The following DOCK7 variants were observed in gnomAD, a reference collection of about 807,000 sequenced individuals.
DOCK7 encodes the protein dedicator of cytokinesis protein 7.
Under a neutral mutation model 271.0 loss-of-function variants are expected in DOCK7, and 138 were observed. The ratio of observed to expected loss-of-function variants is 0.51; its 90% CI spans 0.44 to 0.59. DOCK7 has a LOEUF of 0.59. DOCK7 is among the 20% of genes least tolerant of loss of function. The pLI, the probability that DOCK7 is intolerant of heterozygous loss-of-function variation, is 0.00. For synonymous variants in DOCK7, 823 were observed against 876.1 expected (o/e 0.94, Z 1.07); for missense variants, 2,066 against 2,592.4 (o/e 0.80, Z 4.41).
intron 1 of DOCK7, among the ~76,000 whole-genome samples, chr1:62,670,321 C>T (rs1347419489): frequency 6.6e-5 from 10 of 152,264 alleles, no homozygotes; most frequent in Admixed American, 5.9e-4. Context: ...AGCCCTGGTG[C>T]GGGATCCACT....
chr1:62,553,330 A>G lies in DOCK7; in HGVS notation c.2597-429T>C, dbSNP rs1376772693. Among the ~76,000 whole-genome samples the G allele has an allele frequency of 1.9e-3, 7 of 3,626 alleles. 1 individual carries two copies. The highest frequency in any genetic ancestry group is 0.017 in the South Asian group (1 of 60). 2.4% of individuals were successfully genotyped at this position (3,626 alleles called of 152,430 possible). A position where few individuals can be genotyped will look rare whatever the true frequency, so the allele number is the denominator to read the frequency against. ...AAGTATTTTATATATATATATATAT[A>G]TATATATATATATATATATATATAT... On this transcript the variant is annotated intron_variant, in intron 21 of 49. Transcript: ENST00000635253.
intron 7 of DOCK7, chr1:62,641,590 G>A: frequency 4.2e-6 from 2 of 473,030 alleles, no homozygotes; most frequent in Admixed American, 2.3e-5. Flanking sequence ...TGTAGAAATT[G>A]CCAGAAATGT....
chr1:62,651,176 T>C (rs1442518664), intron 4 of DOCK7, among the ~76,000 whole-genome samples: 3 of 151,424 alleles, frequency 2.0e-5, no homozygotes, highest in African/African-American at 7.3e-5. Context: ...ACCATCATTC[T>C]CAGCAAACTA....
chr1:62,573,197 T>C (rs1646840745), intron 18 of DOCK7, among the ~76,000 whole-genome samples: 1 of 152,150 alleles, frequency 6.6e-6, no homozygotes, highest in African/African-American at 2.4e-5. Flanking sequence ...GACTCAGCTA[T>C]GTCAAGATCA....
chr1:62,491,789 G>A (rs1363508126), intron 41 of DOCK7, among the ~76,000 whole-genome samples: 1 of 152,184 alleles, frequency 6.6e-6, no homozygotes, highest in Non-Finnish European at 1.5e-5. Flanking sequence ...ATCACTCAGA[G>A]ACTTTCTGTT....
At chr1:62,498,933 C>A (rs980599141) in intron 37 of DOCK7, among the ~76,000 whole-genome samples, 2 of 152,064 alleles carry the variant, frequency 1.3e-5, no homozygotes, top group African/African-American at 2.4e-5. Flanking sequence ...TCCCAAGTAG[C>A]TGGGATTACA....
At chr1:62,487,731 A>G (rs1646337278) in intron 42 of DOCK7, 1 of 220,048 alleles carries the variant, frequency 4.5e-6, no homozygotes, top group African/African-American at 2.3e-5. Flanking sequence ...AGTATCCAGG[A>G]TAAATTAAAA....
rs139050582 is a variant in DOCK7, at chr1:62,552,868, G to C, written c.2630C>G (p.Ala877Gly). 28 of 1,613,046 alleles carry C rather than the reference G, an allele frequency of 1.7e-5. No individual in the cohort carries two copies. Among genetic ancestry groups the C allele is most frequent in the Non-Finnish European group, 2.4e-5 (28 of 1,179,662 alleles). ...PGGLGGSVHYATMARSAVRPA... is the reference protein window; with the variant it reads ...PGGLGGSVHYGTMARSAVRPA... ...TCTCACCGCAGATCTAGCCATTGTGGCATAATGCACTGATCCTCCCAAACC... is the reference window on the plus strand; with the variant it reads ...TCTCACCGCAGATCTAGCCATTGTGCCATAATGCACTGATCCTCCCAAACC... Residue 877 changes from alanine (A) to glycine (G), a missense_variant, in exon 22 of 50, where the codon GCC (alanine) becomes GGC (glycine). Ala to Gly is a moderately conservative substitution (Grantham distance 60). Transcript: ENST00000635253.
intron 1 of DOCK7, among the ~76,000 whole-genome samples, chr1:62,663,890 T>C (rs1233065045): frequency 6.6e-6 from 1 of 152,222 alleles, no homozygotes; most frequent in East Asian, 1.9e-4. Flanking sequence ...TATTTGTGTT[T>C]TAAAAGGCTA....
intron 14 of DOCK7, among the ~76,000 whole-genome samples, chr1:62,614,460 G>C (rs1261243966): frequency 6.6e-6 from 1 of 151,778 alleles, no homozygotes; most frequent in Non-Finnish European, 1.5e-5. Context: ...GGACATTGAT[G>C]GTCTAATAAT....
chr1:62,461,861 C>G (rs1645539337), intron 48 of DOCK7, among the ~76,000 whole-genome samples: 1 of 151,084 alleles, frequency 6.6e-6, no homozygotes, highest in Non-Finnish European at 1.5e-5. Flanking sequence ...CACCTGAGGT[C>G]AGGAGTTCGA....
intron 7 of DOCK7, among the ~76,000 whole-genome samples, chr1:62,644,103 C>T (rs555725033): frequency 1.3e-5 from 2 of 152,208 alleles, no homozygotes; most frequent in African/African-American, 4.8e-5. Context: ...ACGACTGGAG[C>T]TGAAACTTTA....
At chr1:62,613,395 T>A (rs1652040648) in intron 14 of DOCK7, among the ~76,000 whole-genome samples, 2 of 152,006 alleles carry the variant, frequency 1.3e-5, no homozygotes, top group Non-Finnish European at 2.9e-5. Flanking sequence ...CCTATGCAAA[T>A]AAATGTGACC....
Position 62,529,438 on chromosome 1 carries a change from CCAAA to C in DOCK7, c.3616_3619del (p.Phe1206AspfsTer28). On this transcript the variant is annotated frameshift_variant, in exon 30 of 50. Transcript: ENST00000635253. LOFTEE classifies it high-confidence loss of function. The stretch of plus-strand genomic sequence containing the variant: ...CATATTGATGACTTTCTTATGCAAT[CCAAA>C]CAGTCTATTTAAAAAGAAGAAGACA... 1 of 1,604,036 alleles carries C rather than the reference CCAAA, an allele frequency of 6.2e-7. No individual in the cohort carries two copies. The highest frequency in any genetic ancestry group is 1.1e-5 in the South Asian group (1 of 89,036).
At chr1:62,661,523 A>AT (rs2149713084) in intron 2 of DOCK7, among the ~76,000 whole-genome samples, 1 of 152,058 alleles carries the variant, frequency 6.6e-6, no homozygotes, top group East Asian at 1.9e-4. Context: ...TTTAAATTCA[A>AT]TTTTTTTCTA....
intron 25 of DOCK7, among the ~76,000 whole-genome samples, chr1:62,541,031 G>C (rs1054083376): frequency 3.9e-5 from 6 of 152,154 alleles, no homozygotes; most frequent in African/African-American, 9.7e-5. Context: ...ATTCAATGCT[G>C]AGGACCACCC....
At chr1:62,520,890 TGGCAC>T (rs1237583700) in intron 31 of DOCK7, among the ~76,000 whole-genome samples, 2 of 152,134 alleles carry the variant, frequency 1.3e-5, no homozygotes, top group Non-Finnish European at 1.5e-5. Context: ...AAAGAAAATG[TGGCAC>T]ATACACACCA....
intron 6 of DOCK7, 105 bp from the exon 7 acceptor site, chr1:62,647,881 T>G: frequency 1.1e-6 from 1 of 925,906 alleles, no homozygotes; most frequent in Non-Finnish European, 1.7e-6. Flanking sequence ...GTCTTCACAA[T>G]AGAACATAGA....
chr1:62,578,887 A>G lies in DOCK7; in HGVS notation c.1951T>C (p.Tyr651His). The G allele has an allele frequency of 6.2e-7, 1 of 1,610,148 alleles. No individual in the cohort carries two copies. Among genetic ancestry groups the G allele is most frequent in the Non-Finnish European group, 8.5e-7 (1 of 1,178,610 alleles). Reference sequence around the variant, plus strand: ...TGTTTTTGTTGACAACTAACATGATAAAAAGTAAAAAGCAAGTGATGATGG... The same window carrying G: ...TGTTTTTGTTGACAACTAACATGATGAAAAGTAAAAAGCAAGTGATGATGG... ...TDHHHLLFTFYHVSCQQKQNT... is the reference protein window; with the variant it reads ...TDHHHLLFTFHHVSCQQKQNT... Residue 651 changes from tyrosine (Y) to histidine (H), a missense_variant, in exon 17 of 50, where the codon TAT becomes CAT. Physicochemically the swap from Tyr to His is moderately conservative, Grantham distance 83 (BLOSUM62 2). Around this residue, in one of 2 missense-constraint regions of DOCK7, gnomAD observed 1,414 missense variants for 1,670.4 expected, o/e 0.85. Transcript: ENST00000635253.
Sources: allele counts gnomAD v4.1 joint callset (sites outside exome capture counted in the v4.1 genomes callset), GRCh38; gene constraint gnomAD v4.1.1; regional missense constraint gnomAD v4.1.1; transcripts MANE v1.5; gene names NCBI Gene and HGNC (gene_info 2026-07-23, HGNC 2026-07-21).